PPP1R12B: variants seen among roughly 807,000 people sequenced by gnomAD.
The protein encoded by PPP1R12B is myosin phosphatase target subunit 2.
PPP1R12B carries 76 observed loss-of-function variants against 126.1 expected under a neutral mutation model. That is an observed-to-expected ratio of 0.60 (90% CI 0.50 to 0.73). The LOEUF (loss-of-function observed/expected upper bound fraction) is 0.73, where lower values mean the gene tolerates loss of function less well. Among genes scored for constraint, PPP1R12B ranks in the 30% least tolerant of loss-of-function variants. The pLI is 0.00. For missense variants in PPP1R12B, 1,052 were observed against 1,205.1 expected (o/e 0.87, Z 1.88); for synonymous variants, 356 against 434.7 (o/e 0.82, Z 2.25).
At chr1:202,549,822 A>G (rs10800839) in intron 18 of PPP1R12B, among the ~76,000 whole-genome samples, 66,005 of 151,924 alleles carry the variant, frequency 0.43, 15,699 homozygotes, top group East Asian at 0.71. Context: ...GTAATTGTCG[A>G]TTTTATTCCT....
intron 1 of PPP1R12B, among the ~76,000 whole-genome samples, chr1:202,396,693 A>G (rs1665031589): frequency 6.6e-6 from 1 of 152,180 alleles, no homozygotes; most frequent in South Asian, 2.1e-4. Flanking sequence ...GCTCACTGCA[A>G]GCAATGCCTT....
chr1:202,391,368 G>A, intron 1 of PPP1R12B, among the ~76,000 whole-genome samples: 1 of 152,088 alleles, frequency 6.6e-6, no homozygotes, highest in South Asian at 2.1e-4. Flanking sequence ...GAACCAAAAA[G>A]TCAAATAATG....
intron 18 of PPP1R12B, among the ~76,000 whole-genome samples, chr1:202,522,711 T>G (rs1682902800): frequency 6.6e-6 from 1 of 152,080 alleles, no homozygotes. Context: ...AATACAAGTA[T>G]AAGACAGGAA....
At chr1:202,376,611 A>G (rs1373958568) in intron 1 of PPP1R12B, among the ~76,000 whole-genome samples, 1 of 152,202 alleles carries the variant, frequency 6.6e-6, no homozygotes, top group Admixed American at 6.6e-5. Context: ...CTTATATATA[A>G]AGATTGCATC....
intron 1 of PPP1R12B, among the ~76,000 whole-genome samples, chr1:202,399,250 C>T (rs372900687): frequency 3.9e-5 from 6 of 152,180 alleles, no homozygotes; most frequent in East Asian, 3.9e-4. Flanking sequence ...GACAGGGTCT[C>T]GCTCTGTCAC....
chr1:202,370,411 C>A (rs1558140978), intron 1 of PPP1R12B, among the ~76,000 whole-genome samples: 2 of 151,572 alleles, frequency 1.3e-5, no homozygotes, highest in African/African-American at 4.9e-5. Flanking sequence ...GAGTTATTTC[C>A]TTTTTTTTGC....
chr1:202,443,334 T>C (rs1370432402), intron 12 of PPP1R12B, among the ~76,000 whole-genome samples: 2 of 152,242 alleles, frequency 1.3e-5, no homozygotes, highest in Non-Finnish European at 2.9e-5. Flanking sequence ...CACTGTCTTC[T>C]CACACCATAG....
Position 202,437,858 on chromosome 1 carries a change from A to G in PPP1R12B, c.1292A>G (p.Lys431Arg), listed in dbSNP as rs1671040221. Residue 431 changes from lysine to arginine, a missense_variant, in exon 10 of 24, where the codon AAA becomes AGA. By Grantham distance (26) the Lys-to-Arg change is conservative. Transcript: ENST00000608999. ...SGLFNKPEEP[K>R]DESPSSWRLG... ...CTTTTTAACAAGCCAGAAGAGCCCAAAGATGAATCTCCTTCTTCATGGAGA... is the reference window on the plus strand; with the variant it reads ...CTTTTTAACAAGCCAGAAGAGCCCAGAGATGAATCTCCTTCTTCATGGAGA... The G allele has an allele frequency of 1.2e-6, 2 of 1,613,946 alleles. No homozygotes were observed. Among genetic ancestry groups the G allele is most frequent in the South Asian group, 1.1e-5 (1 of 91,072 alleles).
intron 13 of PPP1R12B, among the ~76,000 whole-genome samples, chr1:202,456,600 A>G (rs1673669753): frequency 6.6e-6 from 1 of 152,338 alleles, no homozygotes; most frequent in South Asian, 2.1e-4. Flanking sequence ...AAGAAACTAT[A>G]TCAAGCTAGA....
At chr1:202,492,013 C>T (rs1279048286) in intron 14 of PPP1R12B, among the ~76,000 whole-genome samples, 1 of 152,134 alleles carries the variant, frequency 6.6e-6, no homozygotes, top group Admixed American at 6.6e-5. Context: ...GCTAAGTTAC[C>T]TACAGATTCC....
chr1:202,584,089 G>A lies in PPP1R12B; in HGVS notation c.*3529G>A, dbSNP rs1349333776. 6.6e-6 allele frequency: 1 copy of A among 152,164 alleles called. No individual in the cohort carries two copies. Among genetic ancestry groups the A allele is most frequent in the Non-Finnish European group, 1.5e-5 (1 of 68,048 alleles). 9.4% of individuals were successfully genotyped at this position (152,164 alleles called of 1,614,324 possible). ...TAGCGAAAGGGTTATGCAAATCTCA[G>A]GGTGTTGCCTCTAAAGAATCTAAAG... On this transcript the variant is annotated 3_prime_UTR_variant, in exon 24 of 24. Transcript: ENST00000608999.
At position 202,587,043 on chromosome 1, in the gene PPP1R12B, T is replaced by G. The variant is rs1343482611; in HGVS notation, c.*6483T>G. 3.3e-5 allele frequency: 5 copies of G among 152,206 alleles called. No individual in the cohort carries two copies. The highest frequency in any genetic ancestry group is 1.2e-4 in the African/African-American group (5 of 41,462). 9.4% of individuals were successfully genotyped at this position (152,206 alleles called of 1,614,324 possible). On this transcript the variant is annotated 3_prime_UTR_variant, in exon 24 of 24. Transcript: ENST00000608999. ...CCCTTCTAATCCCCCAAAGGACCTA[T>G]TTGAGCTGTTCCCCAATTCATCTGC...
At chr1:202,459,854 A>G (rs373590530) in intron 13 of PPP1R12B, among the ~76,000 whole-genome samples, 6 of 152,232 alleles carry the variant, frequency 3.9e-5, no homozygotes, top group African/African-American at 1.4e-4. Context: ...GATAACTGCC[A>G]TTCAGTCTTT....
intron 1 of PPP1R12B, among the ~76,000 whole-genome samples, chr1:202,372,368 G>A (rs1660438064): frequency 6.6e-6 from 1 of 151,962 alleles, no homozygotes; most frequent in Non-Finnish European, 1.5e-5. Context: ...GCCAGGTATG[G>A]TGGTGCGTGC....
At chr1:202,459,707 G>C (rs988263798) in intron 13 of PPP1R12B, among the ~76,000 whole-genome samples, 1 of 152,092 alleles carries the variant, frequency 6.6e-6, no homozygotes, top group Non-Finnish European at 1.5e-5. Flanking sequence ...CATCACCTAG[G>C]CCTTCTTTTC....
intron 23 of PPP1R12B, among the ~76,000 whole-genome samples, chr1:202,579,507 C>T (rs1391778063): frequency 1.3e-5 from 2 of 152,226 alleles, no homozygotes; most frequent in Non-Finnish European, 2.9e-5. Context: ...AAACTGTACC[C>T]TTATCAACAT....
intron 1 of PPP1R12B, among the ~76,000 whole-genome samples, chr1:202,355,816 G>A (rs1656970330): frequency 6.6e-6 from 1 of 152,176 alleles, no homozygotes; most frequent in South Asian, 2.1e-4. Context: ...GTGTTATTCA[G>A]GTAGAAATAG....
chr1:202,445,818 T>C (rs2792810), intron 12 of PPP1R12B, among the ~76,000 whole-genome samples: 6,616 of 152,286 alleles, frequency 0.043, 408 homozygotes, highest in African/African-American at 0.14. Flanking sequence ...CATGGTAGAA[T>C]GTTACTGTGA....
At chr1:202,443,892 A>G (rs1245551449) in intron 12 of PPP1R12B, among the ~76,000 whole-genome samples, 1 of 152,240 alleles carries the variant, frequency 6.6e-6, no homozygotes, top group East Asian at 1.9e-4. Context: ...GTAGTTTGGC[A>G]AAGTTACGGT....
Sources: allele counts gnomAD v4.1 joint callset (sites outside exome capture counted in the v4.1 genomes callset), GRCh38; gene constraint gnomAD v4.1.1; transcripts MANE v1.5; gene names NCBI Gene and HGNC (gene_info 2026-07-23, HGNC 2026-07-21).